Variants in LAMC3 observed in about 807,000 individuals in gnomAD.
LAMC3 encodes laminin subunit gamma-3.
In LAMC3, 128 loss-of-function variants were observed where a neutral mutation model predicts 173.8. The observed-to-expected ratio is 0.74, with a 90% confidence interval of 0.64 to 0.85. The LOEUF is 0.85. LAMC3 is among the 40% of genes least tolerant of loss of function. The probability of loss-of-function intolerance (pLI) is 0.00; values close to 1 mark genes in which losing one functional copy is unlikely to be tolerated. For synonymous variants in LAMC3, 897 were observed against 909.1 expected (o/e 0.99, Z 0.24); for missense variants, 2,022 against 2,156.0 (o/e 0.94, Z 1.23).
intron 27 of LAMC3, among the ~76,000 whole-genome samples, chr9:131,089,010 G>A (rs910348235): frequency 6.6e-6 from 1 of 151,968 alleles, no homozygotes; most frequent in Non-Finnish European, 1.5e-5. Context: ...GCTTGAACCT[G>A]GGAGGCGGAG....
chr9:131,009,564 C>A lies in LAMC3; in HGVS notation c.350C>A (p.Ser117Ter). The change falls in exon 1 of 28, where the codon TCG (serine) becomes TAG (stop). Residue 117 changes from serine (S) to a stop codon, truncating the protein, a stop_gained. Transcript: ENST00000361069. LOFTEE classifies it high-confidence loss of function. The surrounding 1 kb of genome is among the most constrained non-coding windows in gnomAD (Gnocchi z 4.3). ...SMAFGVQYPTSVNITLRLGKA... is the reference protein window; with the variant it reads ...SMAFGVQYPT ...GCCTTCGGCGTGCAGTACCCCACCT[C>A]GGTCAACATCACCCTCCGCCTAGGT... 6.4e-7 allele frequency: 1 copy of A among 1,572,086 alleles called. No individual in the cohort carries two copies. The highest frequency in any genetic ancestry group is 2.4e-5 in the East Asian group (1 of 42,406).
intron 8 of LAMC3, among the ~76,000 whole-genome samples, chr9:131,047,821 C>G (rs1207554624): frequency 6.6e-6 from 1 of 150,972 alleles, no homozygotes; most frequent in Non-Finnish European, 1.5e-5. Context: ...CGAGATCGCG[C>G]CACTGCACTC....
At position 131,084,005 on chromosome 9, in the gene LAMC3, G is replaced by A. The variant is rs370463021; in HGVS notation, c.4031-1519G>A. On this transcript the variant is annotated intron_variant, in intron 24 of 27. Coordinates refer to ENST00000361069, the MANE Select transcript of LAMC3 (RefSeq NM_006059.4). Reference sequence around the variant, plus strand: ...TTCTCCTGCCTCAGCCTCCTGAGTAGCTGGGATTACAGGTGCCCGCCACCA... The same window carrying A: ...TTCTCCTGCCTCAGCCTCCTGAGTAACTGGGATTACAGGTGCCCGCCACCA... Among the ~76,000 whole-genome samples, 6 of 148,648 alleles carry A rather than the reference G, an allele frequency of 4.0e-5. 1 individual carries two copies. Among genetic ancestry groups the A allele is most frequent in the East Asian group, 2.0e-4 (1 of 5,066 alleles).
At position 131,013,066 on chromosome 9, in the gene LAMC3, A is replaced by G. The variant is rs868286129; in HGVS notation, c.373+3479A>G. ...GTGGACAGTGACGGGGGTACAGACC[A>G]TTCCGGGGCTCTCACCGTGTACCAA... On this transcript the variant is annotated intron_variant, in intron 1 of 27. Transcript: ENST00000361069. 2.0e-5 allele frequency among the ~76,000 whole-genome samples: 3 copies of G among 152,164 alleles called. No individual in the cohort carries two copies. In the South Asian group the frequency reaches 6.2e-4, roughly 31 times the overall value.
chr9:131,054,790 AAGAG>A (rs563768584), intron 11 of LAMC3, among the ~76,000 whole-genome samples: 54 of 137,146 alleles, frequency 3.9e-4, no homozygotes, highest in Admixed American at 7.8e-4. Flanking sequence ...GAGGGGGAGA[AAGAG>A]AGAGAGAGAG....
intron 3 of LAMC3, 46 bp downstream of exon 3, chr9:131,032,221 AC>A: frequency 1.6e-6 from 1 of 643,260 alleles, no homozygotes; most frequent in Non-Finnish European, 2.6e-6. Context: ...CAGGACCCAA[AC>A]CCGAGAGCGG....
intron 1 of LAMC3, among the ~76,000 whole-genome samples, chr9:131,020,855 A>G (rs1307077736): frequency 6.6e-6 from 1 of 152,184 alleles, no homozygotes; most frequent in East Asian, 1.9e-4. Flanking sequence ...CCCCAAATAC[A>G]TGTAACACAA....
intron 1 of LAMC3, among the ~76,000 whole-genome samples, chr9:131,023,860 C>T (rs1364785844): frequency 6.6e-6 from 1 of 152,254 alleles, no homozygotes; most frequent in East Asian, 1.9e-4. Flanking sequence ...CCTCCTTTGT[C>T]AGTTTTTAAT....
intron 7 of LAMC3, among the ~76,000 whole-genome samples, chr9:131,045,043 G>A (rs1280974190): frequency 6.6e-6 from 1 of 152,110 alleles, no homozygotes; most frequent in African/African-American, 2.4e-5. Flanking sequence ...CCAACATGGT[G>A]AAATCCCGTT....
Position 131,038,757 on chromosome 9 carries a change from C to T in LAMC3, c.977-107C>T, listed in dbSNP as rs1833988214. 20 of 1,157,580 alleles carry T rather than the reference C, an allele frequency of 1.7e-5. No individual in the cohort carries two copies. In the South Asian group the frequency reaches 2.3e-4, roughly 13 times the overall value. The allele number at this position is 1,157,580 out of a possible 1,614,324, so 71.7% of individuals were successfully genotyped here. A position where few individuals can be genotyped will look rare whatever the true frequency, so the allele number is the denominator to read the frequency against. On this transcript the variant is annotated intron_variant, in intron 4 of 27. Transcript: ENST00000361069. ...CATTCTGGACCATGCTCTTGCCCTT[C>T]TCTTTGCACTGCCTGCTCATTTAGC...
chr9:131,068,447 G>T (rs1338932784), intron 15 of LAMC3, among the ~76,000 whole-genome samples: 4 of 152,206 alleles, frequency 2.6e-5, no homozygotes, highest in African/African-American at 9.6e-5. Flanking sequence ...CAGCCCTAAA[G>T]GGTGTCCAGG....
intron 9 of LAMC3, among the ~76,000 whole-genome samples, chr9:131,052,058 C>G (rs1834297586): frequency 6.6e-6 from 1 of 152,202 alleles, no homozygotes; most frequent in Admixed American, 6.5e-5. Flanking sequence ...AGCTCACTTA[C>G]CTTGCTGTCA....
intron 4 of LAMC3, among the ~76,000 whole-genome samples, chr9:131,037,694 T>C (rs1338430205): frequency 6.6e-6 from 1 of 152,230 alleles, no homozygotes; most frequent in East Asian, 1.9e-4. Flanking sequence ...CGGCTCTCAC[T>C]GTTGCCCAGG....
In LAMC3 at chr9:131,009,607, A is replaced by T; in HGVS notation, c.373+20A>T. The T allele has an allele frequency of 6.4e-7, 1 of 1,559,658 alleles. No individual in the cohort carries two copies. On this transcript the variant is annotated intron_variant, in intron 1 of 27. Transcript: ENST00000361069. The surrounding 1 kb of genome is among the most constrained non-coding windows in gnomAD (Gnocchi z 4.3). ...GCCTAGGTAAGCGCGGGCTGGGGGC[A>T]CCGCCACCGCACCCCGTGTCCCCAC...
chr9:131,014,844 G>A (rs1371237544), intron 1 of LAMC3, among the ~76,000 whole-genome samples: 5 of 152,130 alleles, frequency 3.3e-5, no homozygotes, highest in African/African-American at 7.2e-5. Context: ...TTAGCCGGGC[G>A]CGGGGGCAAG....
At chr9:131,056,543 C>T (rs568590984) in intron 11 of LAMC3, among the ~76,000 whole-genome samples, 4 of 149,482 alleles carry the variant, frequency 2.7e-5, no homozygotes, top group Non-Finnish European at 5.9e-5. Flanking sequence ...ACATGCAATC[C>T]CAGCACTTTG....
chr9:131,018,829 C>T (rs150911881), intron 1 of LAMC3, among the ~76,000 whole-genome samples: 11 of 152,330 alleles, frequency 7.2e-5, no homozygotes, highest in Non-Finnish European at 1.3e-4. Context: ...CACAGCTTTG[C>T]CAACATCCTG....
At chr9:131,010,687 C>G (rs1400327430) in intron 1 of LAMC3, among the ~76,000 whole-genome samples, 1 of 152,256 alleles carries the variant, frequency 6.6e-6, no homozygotes, top group East Asian at 1.9e-4. Flanking sequence ...GTTTAACCCT[C>G]TGGGGAGGAG....
chr9:131,068,708 A>G (rs551549188), intron 15 of LAMC3, among the ~76,000 whole-genome samples, 200 bp from the exon 16 acceptor site: 8 of 152,148 alleles, frequency 5.3e-5, no homozygotes, highest in Middle Eastern at 3.4e-3. Flanking sequence ...GCCTTATTTT[A>G]TCTTCTTTTC....
Sources: gnomAD v4.1 joint callset for allele counts (sites outside exome capture counted in the v4.1 genomes callset) on GRCh38, gnomAD v4.1.1 for gene constraint, Gnocchi (gnomAD v3.1) non-coding constraint, MANE v1.5 for transcripts, NCBI Gene and HGNC (gene_info 2026-07-23, HGNC 2026-07-21) for gene names.